The following SORCS1 variants were observed in gnomAD, a reference collection of about 807,000 sequenced individuals.
SORCS1 encodes sortilin related VPS10 domain containing receptor 1.
Under a neutral mutation model 146.1 loss-of-function variants are expected in SORCS1, and 60 were observed. The ratio of observed to expected loss-of-function variants is 0.41; its 90% CI spans 0.33 to 0.51. The LOEUF (loss-of-function observed/expected upper bound fraction) is 0.51. Ranked by LOEUF, SORCS1 falls within the 20% of genes least tolerant of loss-of-function variation. The pLI, the probability that SORCS1 is intolerant of heterozygous loss-of-function variation, is 0.21. For missense variants in SORCS1, 1,352 were observed against 1,487.6 expected, an observed-to-expected ratio of 0.91 and a Z score of 1.50; for synonymous variants, 637 against 584.0, an observed-to-expected ratio of 1.09 and a Z score of -1.31.
intron 10 of SORCS1, 135 bp from the exon 11 acceptor site, chr10:106,679,869 GTATCTA>G (rs1852307162): frequency 1.5e-6 from 1 of 651,706 alleles, no homozygotes; most frequent in South Asian, 1.8e-5. Context: ...ACCACCCATT[GTATCTA>G]TACCTACCCA....
chr10:106,667,658 GC>G, intron 17 of SORCS1, 30 bp downstream of exon 17: 4 of 1,525,766 alleles, frequency 2.6e-6, no homozygotes, highest in Non-Finnish European at 3.6e-6. Flanking sequence ...GCAAAGGTTG[GC>G]CTCTCAAGGT....
At position 106,597,387 on chromosome 10, in the gene SORCS1, C is replaced by G; in HGVS notation, c.3229G>C (p.Val1077Leu). 1 of 1,614,032 alleles carries G rather than the reference C, an allele frequency of 6.2e-7. No individual in the cohort carries two copies. The part of the protein sequence containing the change: ...NSVHFELKPG[V>L]RVLVHAAHLT... ...TGAGCAGCATGGACAAGGACTCGGACTCCTGGCTTCAGCTCGAAGTGTACT... is the reference window on the plus strand; with the variant it reads ...TGAGCAGCATGGACAAGGACTCGGAGTCCTGGCTTCAGCTCGAAGTGTACT... The change falls in exon 24 of 26, where the codon GTC becomes CTC. Residue 1077 changes from valine (V) to leucine (L), a missense_variant. Physicochemically the swap from Val to Leu is conservative, Grantham distance 32. This residue lies in a region of SORCS1 where 214 missense variants were observed against 204.8 expected (regional missense o/e 1.05). Transcript: ENST00000263054.
intron 1 of SORCS1, among the ~76,000 whole-genome samples, chr10:107,117,713 TTTC>T (rs1302160048): frequency 1.3e-5 from 2 of 152,216 alleles, no homozygotes; most frequent in African/African-American, 2.4e-5. Flanking sequence ...TGTTACTCCC[TTTC>T]TTCTTTCTTA....
chr10:106,843,188 G>A (rs1013924318), intron 2 of SORCS1, among the ~76,000 whole-genome samples: 2 of 152,052 alleles, frequency 1.3e-5, no homozygotes, highest in African/African-American at 4.8e-5. Context: ...TGTAAATGAA[G>A]TATCCTGAAC....
At chr10:107,110,589 C>A (rs1041127179) in intron 1 of SORCS1, among the ~76,000 whole-genome samples, 4 of 152,046 alleles carry the variant, frequency 2.6e-5, no homozygotes. Context: ...CATGAGGGAT[C>A]CACCCTCATA....
At chr10:106,587,647 T>C (rs1415605687) in intron 24 of SORCS1, among the ~76,000 whole-genome samples, 1 of 152,224 alleles carries the variant, frequency 6.6e-6, no homozygotes, top group African/African-American at 2.4e-5. Context: ...TGTGATAACA[T>C]CTTTTTATTA....
intron 24 of SORCS1, among the ~76,000 whole-genome samples, chr10:106,594,872 G>A (rs1845817172): frequency 6.6e-6 from 1 of 152,210 alleles, no homozygotes; most frequent in Non-Finnish European, 1.5e-5. Context: ...GGCTGATGAA[G>A]TTCAGTCTGC....
In SORCS1 at chr10:106,738,234, A is replaced by G. The variant is rs1239040102; in HGVS notation, c.960-8120T>C. Among the ~76,000 whole-genome samples the G allele has an allele frequency of 2.6e-5, 4 of 152,218 alleles. No individual in the cohort carries two copies. The South Asian group carries it at 8.3e-4, about 32-fold the overall frequency. ...TTATCAGTAATTTAAGAACTTTTAT[A>G]AGGAAGATGTATATATGCGATTGTC... On this transcript the variant is annotated intron_variant, in intron 5 of 25. Transcript: ENST00000263054.
rs546723017 is a variant in SORCS1, at chr10:106,975,350, G to C, written c.559-18770C>G. On this transcript the variant is annotated intron_variant, in intron 1 of 25. Transcript: ENST00000263054. The stretch of plus-strand genomic sequence containing the variant: ...AGGCACTGAGAAATGTCATGAATCT[G>C]ACGCTTCTCATCACCTTAACCATAT... Among the ~76,000 whole-genome samples, 8 of 152,316 alleles carry C rather than the reference G, an allele frequency of 5.3e-5. No homozygotes were observed. In the East Asian group the frequency reaches 1.5e-3, roughly 29 times the overall value.
At chr10:106,750,330 G>A (rs1446691646) in intron 5 of SORCS1, among the ~76,000 whole-genome samples, 1 of 152,098 alleles carries the variant, frequency 6.6e-6, no homozygotes, top group Non-Finnish European at 1.5e-5. Context: ...ATCAGTGATG[G>A]CCATTAGTGA....
At chr10:107,137,948 T>C (rs1967470417) in intron 1 of SORCS1, among the ~76,000 whole-genome samples, 2 of 152,130 alleles carry the variant, frequency 1.3e-5, no homozygotes, top group Admixed American at 6.5e-5. Flanking sequence ...GCAGAAGCCA[T>C]GTGTATTCTG....
chr10:107,111,821 A>G (rs1210052410), intron 1 of SORCS1, among the ~76,000 whole-genome samples: 3 of 152,214 alleles, frequency 2.0e-5, no homozygotes, highest in African/African-American at 7.2e-5. Context: ...TCCTGAAAGC[A>G]GCAAGAGAAA....
At chr10:106,818,429 G>C (rs1021722968) in intron 3 of SORCS1, among the ~76,000 whole-genome samples, 2 of 150,918 alleles carry the variant, frequency 1.3e-5, no homozygotes, top group East Asian at 1.9e-4. Context: ...GCAGTGGCGA[G>C]ATCTTGGCTC....
chr10:106,868,326 T>C (rs898957171), intron 2 of SORCS1, among the ~76,000 whole-genome samples: 1 of 152,162 alleles, frequency 6.6e-6, no homozygotes, highest in Non-Finnish European at 1.5e-5. Flanking sequence ...GAACCTGAAC[T>C]CAATATTGTA....
intron 3 of SORCS1, among the ~76,000 whole-genome samples, chr10:106,789,691 A>G (rs1458161355): frequency 6.6e-6 from 1 of 152,196 alleles, no homozygotes; most frequent in Non-Finnish European, 1.5e-5. Flanking sequence ...ACTTTCCCAC[A>G]TCTTCCAGTC....
intron 23 of SORCS1, among the ~76,000 whole-genome samples, chr10:106,598,704 T>G (rs1846057821): frequency 6.6e-6 from 1 of 152,204 alleles, no homozygotes; most frequent in Non-Finnish European, 1.5e-5. Flanking sequence ...TTTTTTTTCC[T>G]TTTCTATTTG....
intron 24 of SORCS1, among the ~76,000 whole-genome samples, chr10:106,589,887 C>G (rs952283330): frequency 3.2e-5 from 4 of 123,644 alleles, no homozygotes; most frequent in Non-Finnish European, 6.2e-5. Flanking sequence ...CTTCTAGCAG[C>G]CTTTTTTTCA....
At chr10:106,688,800 G>A (rs1249383124) in intron 9 of SORCS1, among the ~76,000 whole-genome samples, 1 of 152,156 alleles carries the variant, frequency 6.6e-6, no homozygotes, top group African/African-American at 2.4e-5. Context: ...TCCAAACAAA[G>A]TGACTTGCCT....
intron 2 of SORCS1, among the ~76,000 whole-genome samples, chr10:106,915,004 A>G (rs929574850): frequency 7.9e-5 from 12 of 152,334 alleles, no homozygotes; most frequent in African/African-American, 2.6e-4. Flanking sequence ...CTGGGGCAAG[A>G]CAGCATCCAC....
Sources: gnomAD v4.1 joint callset for allele counts (sites outside exome capture counted in the v4.1 genomes callset) on GRCh38, gnomAD v4.1.1 for gene constraint, gnomAD v4.1.1 regional missense constraint, MANE v1.5 for transcripts, NCBI Gene and HGNC (gene_info 2026-07-23, HGNC 2026-07-21) for gene names.